Variants in CARD8 observed in about 807,000 individuals in gnomAD.
The protein encoded by CARD8 is caspase recruitment domain-containing protein 8.
CARD8 carries 38 observed loss-of-function variants against 53.2 expected under a neutral mutation model. That is an observed-to-expected ratio of 0.71 (90% CI 0.55 to 0.94). CARD8 has a LOEUF of 0.94. Among genes scored for constraint, CARD8 ranks in the 40% least tolerant of loss-of-function variants. CARD8 has a pLI of 0.00. For synonymous variants in CARD8, 245 were observed against 244.9 expected (o/e 1.00, Z 0.00); for missense variants, 561 against 655.5 (o/e 0.86, Z 1.57).
chr19:48,235,937 G>A (rs769407824), intron 5 of CARD8, among the ~76,000 whole-genome samples: 1 of 151,794 alleles, frequency 6.6e-6, no homozygotes, highest in Admixed American at 6.6e-5. Flanking sequence ...ATGTAAAATC[G>A]GGTTTCAGCT....
At chr19:48,222,754 T>C (rs2040925934) in intron 10 of CARD8, among the ~76,000 whole-genome samples, 1 of 152,080 alleles carries the variant, frequency 6.6e-6, no homozygotes, top group Non-Finnish European at 1.5e-5. Flanking sequence ...AAACAAAACC[T>C]TTCTACCTTT....
chr19:48,204,278 C>A, downstream of CARD8: 1 of 437,354 alleles, frequency 2.3e-6, no homozygotes, highest in Non-Finnish European at 4.6e-6. Context: ...AGAGACCTCG[C>A]GGGAGAAATT....
intron 3 of CARD8, among the ~76,000 whole-genome samples, chr19:48,244,771 A>G (rs1263838922): frequency 6.6e-6 from 1 of 152,236 alleles, no homozygotes; most frequent in Non-Finnish European, 1.5e-5. Context: ...AAGGCACTAC[A>G]AGAAAATAGG....
intron 5 of CARD8, among the ~76,000 whole-genome samples, chr19:48,236,456 C>A (rs117129018): frequency 0.021 from 3,166 of 152,262 alleles, 37 homozygotes; most frequent in Middle Eastern, 0.041. Context: ...TCAAGTGAAC[C>A]ACCCGCCCTG....
chr19:48,233,240 T>C (rs2043236535), intron 6 of CARD8: 4 of 437,072 alleles, frequency 9.2e-6, no homozygotes, highest in Non-Finnish European at 1.8e-5. Context: ...GTCATGCCTC[T>C]GGAGAGAAAC....
At chr19:48,221,933 G>A in intron 10 of CARD8, 78 bp from the exon 11 acceptor site, 1 of 1,237,410 alleles carries the variant, frequency 8.1e-7, no homozygotes, top group East Asian at 2.4e-5. Context: ...TTATTTATAT[G>A]GTATATTAAG....
intron 3 of CARD8, among the ~76,000 whole-genome samples, chr19:48,248,889 T>C (rs1294176897): frequency 6.6e-6 from 1 of 152,138 alleles, no homozygotes; most frequent in Non-Finnish European, 1.5e-5. Flanking sequence ...CATGTAAACA[T>C]GGATAAATAT....
chr19:48,222,636 C>G (rs182704480), intron 10 of CARD8, among the ~76,000 whole-genome samples: 11 of 151,794 alleles, frequency 7.2e-5, no homozygotes, highest in African/African-American at 2.7e-4. Flanking sequence ...TTGCAGTGAG[C>G]CGAGATTGCG....
rs767889684 is a variant in CARD8 at position 48,211,719 on chromosome 19, C to T, written c.1605G>A (p.Gln535=). 3 of 1,613,274 alleles carry T rather than the reference C, an allele frequency of 1.9e-6. No homozygotes were observed. The highest frequency in any genetic ancestry group is 1.1e-5 in the South Asian group (1 of 90,976). Residue 535 remains glutamine, a synonymous_variant, in exon 14 of 14, where the codon CAG becomes CAA. Transcript: ENST00000651546. Reference sequence around the variant, plus strand: ...ACCTAACTGACTCATTTTACAAATTCTGCTGTCTAAGATAGGACACGAGGT... The same window carrying T: ...ACCTAACTGACTCATTTTACAAATTTTGCTGTCTAAGATAGGACACGAGGT... ...DPYLVSYLRQ[Q]NL
chr19:48,239,355 T>C lies in CARD8; in HGVS notation c.60-823A>G, dbSNP rs543036065. Among the ~76,000 whole-genome samples, 29 of 152,150 alleles carry C rather than the reference T, an allele frequency of 1.9e-4. No individual in the cohort carries two copies. The South Asian group carries it at 5.4e-3, about 28-fold the overall frequency. ...CACAAATCCTTGTGGTGATTAATCA[T>C]AGAAGGCTAAAATTACTTAGCGCAA... On this transcript the variant is annotated intron_variant, in intron 4 of 13. Coordinates refer to ENST00000651546, the MANE Select transcript of CARD8 (RefSeq NM_001184900.3).
At chr19:48,250,030 T>C (rs892427929) in intron 1 of CARD8, among the ~76,000 whole-genome samples, 183 bp from the exon 2 acceptor site, 1 of 152,198 alleles carries the variant, frequency 6.6e-6, no homozygotes, top group African/African-American at 2.4e-5. Flanking sequence ...TGTTTTAATT[T>C]CTGTAATAAT....
chr19:48,242,081 AGTT>A (rs912988315), intron 3 of CARD8, among the ~76,000 whole-genome samples: 2 of 152,054 alleles, frequency 1.3e-5, no homozygotes, highest in African/African-American at 4.8e-5. Context: ...ATTTAATAGG[AGTT>A]GTTATGGACC....
At chr19:48,233,470 C>T (rs906428668) in intron 6 of CARD8, 3 of 454,280 alleles carry the variant, frequency 6.6e-6, no homozygotes, top group African/African-American at 4.0e-5. Context: ...GTGGGCAAGC[C>T]AAGCATGGAG....
chr19:48,217,358 T>G (rs1361784278), intron 12 of CARD8, among the ~76,000 whole-genome samples: 2 of 152,198 alleles, frequency 1.3e-5, no homozygotes, highest in Non-Finnish European at 2.9e-5. Flanking sequence ...TTGAAATTGT[T>G]GAAAACCATT....
At chr19:48,217,191 T>C (rs1343289367) in intron 12 of CARD8, among the ~76,000 whole-genome samples, 1 of 152,144 alleles carries the variant, frequency 6.6e-6, no homozygotes, top group African/African-American at 2.4e-5. Context: ...CTGCTCACCG[T>C]CCACTCACCT....
intron 1 of CARD8, among the ~76,000 whole-genome samples, chr19:48,250,902 G>C (rs1006202451): frequency 1.3e-5 from 2 of 152,184 alleles, no homozygotes; most frequent in Admixed American, 1.3e-4. Context: ...GAAATACAAA[G>C]TAAGGGGAAA....
intron 1 of CARD8, among the ~76,000 whole-genome samples, chr19:48,253,221 G>T (rs2047161192): frequency 6.6e-6 from 1 of 152,120 alleles, no homozygotes; most frequent in Non-Finnish European, 1.5e-5. Context: ...CAGTGACTGG[G>T]ATTACAGGTA....
downstream of CARD8, chr19:48,206,638 T>G (rs2037355577): frequency 2.6e-6 from 1 of 391,808 alleles, no homozygotes; most frequent in African/African-American, 2.1e-5. Flanking sequence ...TACCAAATTC[T>G]TTTAGCTTAA....
Position 48,224,955 on chromosome 19 carries a change from G to A in CARD8, c.1036-3100C>T, listed in dbSNP as rs111245754. Reference sequence around the variant, plus strand: ...TTGTTAGTAGAGACGGGGTTTCACCGTGTTAGCCAGGATGGTCTCGATCTC... The same window carrying A: ...TTGTTAGTAGAGACGGGGTTTCACCATGTTAGCCAGGATGGTCTCGATCTC... On this transcript the variant is annotated intron_variant, in intron 10 of 13. Coordinates refer to ENST00000651546, the MANE Select transcript of CARD8 (RefSeq NM_001184900.3). Among the ~76,000 whole-genome samples, 140 of 151,328 alleles carry A rather than the reference G, an allele frequency of 9.3e-4. 1 individual carries two copies. Among genetic ancestry groups the A allele is most frequent in the African/African-American group, 3.0e-3 (123 of 41,282 alleles).
Sources: gnomAD v4.1 joint callset for allele counts (sites outside exome capture counted in the v4.1 genomes callset) on GRCh38, gnomAD v4.1.1 for gene constraint, MANE v1.5 for transcripts, NCBI Gene and HGNC (gene_info 2026-07-23, HGNC 2026-07-21) for gene names.